Variants in RARB observed in about 807,000 individuals in gnomAD.
RARB encodes retinoic acid receptor beta.
RARB carries 17 observed loss-of-function variants against 51.9 expected under a neutral mutation model. The observed-to-expected ratio is 0.33, with a 90% CI of 0.22 to 0.49. The LOEUF (loss-of-function observed/expected upper bound fraction) is 0.49, where lower values mean the gene tolerates loss of function less well. Among genes scored for constraint, RARB ranks in the 20% least tolerant of loss-of-function variants. The pLI is 0.99. For missense variants in RARB, 369 were observed against 550.8 expected, an observed-to-expected ratio of 0.67 and a Z score of 3.30; for synonymous variants, 215 against 195.4, an observed-to-expected ratio of 1.10 and a Z score of -0.84.
intron 2 of RARB, among the ~76,000 whole-genome samples, chr3:24,967,698 TA>T (rs1359855437): frequency 2.0e-5 from 3 of 152,126 alleles, no homozygotes; most frequent in Non-Finnish European, 2.9e-5. Context: ...CCAAAATGAA[TA>T]AAATAGCTTC....
intron 3 of RARB, among the ~76,000 whole-genome samples, chr3:25,089,213 CA>C (rs1402970798): frequency 1.3e-5 from 2 of 151,370 alleles, no homozygotes; most frequent in African/African-American, 4.9e-5. Flanking sequence ...GGTTTTCCTC[CA>C]TAAAAATTAT....
At chr3:25,287,847 G>A (rs1575285564) in intron 5 of RARB, among the ~76,000 whole-genome samples, 1 of 151,964 alleles carries the variant, frequency 6.6e-6, no homozygotes, top group Admixed American at 6.6e-5. Flanking sequence ...TCTTCTGCTT[G>A]TTGTCAGCCA....
chr3:25,172,982 C>G (rs1196342872), intron 4 of RARB, among the ~76,000 whole-genome samples: 1 of 152,210 alleles, frequency 6.6e-6, no homozygotes, highest in Non-Finnish European at 1.5e-5. Context: ...GAATCACGCT[C>G]TTAACAACTA....
intron 5 of RARB, among the ~76,000 whole-genome samples, chr3:25,422,709 A>C (rs1353908740): frequency 1.3e-5 from 2 of 152,070 alleles, no homozygotes; most frequent in Non-Finnish European, 2.9e-5. Context: ...TGCATTCTAG[A>C]TGAATAATAT....
chr3:25,027,503 C>T (rs184276923), intron 2 of RARB, among the ~76,000 whole-genome samples: 137 of 152,226 alleles, frequency 9.0e-4, no homozygotes, highest in African/African-American at 3.2e-3. Context: ...TTGCCAAGCC[C>T]TCTTCATTTT....
chr3:25,091,822 CTG>C (rs1310902603), intron 3 of RARB, among the ~76,000 whole-genome samples: 1 of 152,146 alleles, frequency 6.6e-6, no homozygotes, highest in Admixed American at 6.6e-5. Context: ...ATGTTTCCCT[CTG>C]TGGTGCTGTG....
At chr3:25,062,701 T>C (rs1698575230) in intron 3 of RARB, among the ~76,000 whole-genome samples, 1 of 151,924 alleles carries the variant, frequency 6.6e-6, no homozygotes, top group South Asian at 2.1e-4. Context: ...ACAAGAAATG[T>C]CCGGAATGTG....
chr3:24,991,723 A>G (rs1194349789), intron 2 of RARB, among the ~76,000 whole-genome samples: 2 of 151,808 alleles, frequency 1.3e-5, no homozygotes, highest in African/African-American at 4.8e-5. Flanking sequence ...TTTCATCATC[A>G]AATGCTTTTG....
At chr3:25,316,033 G>T (rs1575306302) in intron 5 of RARB, among the ~76,000 whole-genome samples, 1 of 152,008 alleles carries the variant, frequency 6.6e-6, no homozygotes, top group Non-Finnish European at 1.5e-5. Context: ...ACTGGACTCT[G>T]GTTTATATTT....
chr3:25,027,561 G>C (rs78933090), intron 2 of RARB, among the ~76,000 whole-genome samples: 2,386 of 152,070 alleles, frequency 0.016, 69 homozygotes, highest in African/African-American at 0.053. Context: ...TAATTGAGGT[G>C]AGTATCTATC....
rs559583548 is a variant in RARB, at chr3:25,559,849, C to T, written c.449-9909C>T. On this transcript the variant is annotated intron_variant, in intron 3 of 7. Transcript: ENST00000330688. ...AATGGGACAGATGAATGGGCAGCTG[C>T]ATTGGATAGTTGGAAGGATGGACAG... is the stretch of plus-strand genomic sequence containing the variant. Among the ~76,000 whole-genome samples, 15 of 152,084 alleles carry T rather than the reference C, an allele frequency of 9.9e-5. No homozygotes were observed. The South Asian group carries it at 3.1e-3, about 32-fold the overall frequency.
rs759318693 is a variant in RARB at position 25,076,355 on chromosome 3, G to A, written c.-328+16179G>A. Among the ~76,000 whole-genome samples, 22 of 152,096 alleles carry A rather than the reference G, an allele frequency of 1.4e-4. 1 individual carries two copies. The highest frequency in any genetic ancestry group is 2.8e-4 in the Non-Finnish European group (19 of 67,980). ...GGGGTTTCACCATGTTATCCAGGTT[G>A]GTCTCGATCTCCTGACCTTGTGATT... On this transcript the variant is annotated intron_variant, in intron 3 of 11. Transcript: ENST00000383772.
chr3:25,010,374 T>C (rs1170812938), intron 2 of RARB, among the ~76,000 whole-genome samples: 2 of 152,162 alleles, frequency 1.3e-5, no homozygotes, highest in Non-Finnish European at 2.9e-5. Flanking sequence ...ATTTTATAAC[T>C]GCATGCACAA....
At chr3:25,114,488 G>A (rs34155045) in intron 3 of RARB, among the ~76,000 whole-genome samples, 22,299 of 152,086 alleles carry the variant, frequency 0.15, 1,821 homozygotes, top group Non-Finnish European at 0.2. Flanking sequence ...ATTTTACTTT[G>A]TGCTCCAGGA....
chr3:25,595,279 C>T (rs1232026375), intron 7 of RARB, among the ~76,000 whole-genome samples: 1 of 151,876 alleles, frequency 6.6e-6, no homozygotes, highest in Admixed American at 6.6e-5. Flanking sequence ...AGCAGCTATC[C>T]CTGGTACCAA....
chr3:24,949,314 C>T (rs761283052), intron 2 of RARB, among the ~76,000 whole-genome samples: 3 of 152,150 alleles, frequency 2.0e-5, no homozygotes, highest in African/African-American at 4.8e-5. Context: ...GTAGACATCC[C>T]AAGGACCTCC....
chr3:25,129,005 A>T (rs528317329), intron 3 of RARB, among the ~76,000 whole-genome samples: 2 of 152,244 alleles, frequency 1.3e-5, no homozygotes, highest in East Asian at 3.9e-4. Flanking sequence ...TAGAGTAAGA[A>T]GTTCCAATGT....
At chr3:25,272,287 G>A (rs1050597883) in intron 5 of RARB, among the ~76,000 whole-genome samples, 16 of 152,198 alleles carry the variant, frequency 1.1e-4, no homozygotes, top group African/African-American at 3.6e-4. Context: ...CAAAGCCATC[G>A]GCTGGTCAGG....
chr3:25,525,608 C>T (rs927002421), intron 3 of RARB, among the ~76,000 whole-genome samples: 4 of 152,118 alleles, frequency 2.6e-5, no homozygotes, highest in Non-Finnish European at 5.9e-5. Context: ...TCAGCATAGA[C>T]TAAAGGGTTC....
Sources: allele counts gnomAD v4.1 joint callset (sites outside exome capture counted in the v4.1 genomes callset), GRCh38; gene constraint gnomAD v4.1.1; transcripts MANE v1.5; gene names NCBI Gene and HGNC (gene_info 2026-07-23, HGNC 2026-07-21).